NLGN1: variants seen among roughly 807,000 people sequenced by gnomAD.
NLGN1 encodes the protein neuroligin-1.
Under a neutral mutation model 65.5 loss-of-function variants are expected in NLGN1, and 12 were observed. The observed-to-expected ratio is 0.18, with a 90% confidence interval of 0.12 to 0.30. The LOEUF is 0.30. Among genes scored for constraint, NLGN1 ranks in the 10% least tolerant of loss-of-function variants. NLGN1 has a pLI of 1.00. For synonymous variants in NLGN1, 350 were observed against 359.5 expected (o/e 0.97, Z 0.30); for missense variants, 750 against 1,007.1 (o/e 0.74, Z 3.46).
intron 2 of NLGN1, among the ~76,000 whole-genome samples, chr3:173,444,420 G>A (rs1719789293): frequency 6.6e-6 from 1 of 152,094 alleles, no homozygotes; most frequent in Non-Finnish European, 1.5e-5. Context: ...ATTTCATGCA[G>A]GTCTGGTATA....
At chr3:173,435,189 A>C (rs1033977546) in intron 2 of NLGN1, 2 of 152,596 alleles carry the variant, frequency 1.3e-5, no homozygotes, top group African/African-American at 4.8e-5. Context: ...CACCATAGTC[A>C]TGACTTACCT....
chr3:173,764,459 T>C (rs1187861477), intron 3 of NLGN1, among the ~76,000 whole-genome samples: 1 of 152,144 alleles, frequency 6.6e-6, no homozygotes, highest in Admixed American at 6.6e-5. Context: ...AAGAACAGAA[T>C]GGTTGCCTTC....
Position 173,956,062 on chromosome 3 carries a change from C to T in NLGN1, c.646+148230C>T, listed in dbSNP as rs144396636. Reference sequence around the variant, plus strand: ...TACAAAACTTTATACAATAAGCTTTCGTAGAGCTTATATAGATCTTCAATT... The same window carrying T: ...TACAAAACTTTATACAATAAGCTTTTGTAGAGCTTATATAGATCTTCAATT... On this transcript the variant is annotated intron_variant, in intron 4 of 6. Coordinates refer to ENST00000457714, the Ensembl canonical transcript of NLGN1. 9.7e-4 allele frequency among the ~76,000 whole-genome samples: 147 copies of T among 152,096 alleles called. 1 individual carries two copies. The East Asian group carries it at 0.026, about 27-fold the overall frequency.
At chr3:173,589,674 G>A (rs1028654103) in intron 2 of NLGN1, among the ~76,000 whole-genome samples, 3 of 152,076 alleles carry the variant, frequency 2.0e-5, no homozygotes, top group Admixed American at 1.3e-4. Context: ...TGATATGAAG[G>A]TCTTATTGTA....
chr3:174,244,402 T>C (rs1332862744), intron 4 of NLGN1, among the ~76,000 whole-genome samples: 1 of 152,210 alleles, frequency 6.6e-6, no homozygotes, highest in East Asian at 1.9e-4. Context: ...ATTAAGAATC[T>C]TTCCTCTCTT....
chr3:173,706,703 G>A (rs1380717818), intron 3 of NLGN1, among the ~76,000 whole-genome samples: 1 of 152,160 alleles, frequency 6.6e-6, no homozygotes, highest in Non-Finnish European at 1.5e-5. Flanking sequence ...TTTACGTACA[G>A]ATATCGATCT....
chr3:173,586,555 A>G (rs2149382402), intron 2 of NLGN1, among the ~76,000 whole-genome samples: 1 of 152,344 alleles, frequency 6.6e-6, no homozygotes, highest in Non-Finnish European at 1.5e-5. Context: ...AAATAGCAAA[A>G]TATAAAACTT....
intron 4 of NLGN1, among the ~76,000 whole-genome samples, chr3:174,176,988 C>T (rs1044076677): frequency 3.8e-4 from 57 of 151,878 alleles, no homozygotes; most frequent in Admixed American, 1.3e-3. Flanking sequence ...CCTGGTTCAG[C>T]GTAGCATAGG....
At chr3:173,511,288 A>G (rs1732923552) in intron 2 of NLGN1, among the ~76,000 whole-genome samples, 1 of 152,114 alleles carries the variant, frequency 6.6e-6, no homozygotes, top group Non-Finnish European at 1.5e-5. Context: ...GGAGAAAGTA[A>G]AAAAGGTTCC....
At chr3:173,465,321 T>G (rs984627847) in intron 2 of NLGN1, among the ~76,000 whole-genome samples, 3 of 152,124 alleles carry the variant, frequency 2.0e-5, no homozygotes, top group Admixed American at 2.0e-4. Flanking sequence ...TGAGAACTTC[T>G]TGGAGGAAGG....
rs543491104 is a variant in NLGN1, at chr3:173,587,800, C to G, written c.-320-16479C>G. Among the ~76,000 whole-genome samples the G allele has an allele frequency of 5.3e-5, 8 of 150,676 alleles. No homozygotes were observed. The South Asian group carries it at 1.7e-3, about 31-fold the overall frequency. On this transcript the variant is annotated intron_variant, in intron 2 of 6. Transcript: ENST00000457714. ...TATGTAAAAACTGATGTTGCATTCACTGGAGTTTTGCTTGACAGCTGCACC... is the reference window on the plus strand; with the variant it reads ...TATGTAAAAACTGATGTTGCATTCAGTGGAGTTTTGCTTGACAGCTGCACC...
At chr3:174,177,363 A>G (rs900740875) in intron 4 of NLGN1, among the ~76,000 whole-genome samples, 4 of 152,060 alleles carry the variant, frequency 2.6e-5, no homozygotes, top group Non-Finnish European at 5.9e-5. Context: ...GAAAATCACT[A>G]GAGATCAAAA....
At chr3:173,621,623 A>T (rs1209566288) in intron 3 of NLGN1, among the ~76,000 whole-genome samples, 2 of 152,090 alleles carry the variant, frequency 1.3e-5, no homozygotes, top group East Asian at 3.9e-4. Context: ...GGGTAATAGC[A>T]CTGTAGTTTA....
chr3:173,536,203 G>GCTA (rs1429709339), intron 2 of NLGN1, among the ~76,000 whole-genome samples: 1 of 152,154 alleles, frequency 6.6e-6, no homozygotes, highest in African/African-American at 2.4e-5. Context: ...TGTCTCACCA[G>GCTA]CTACTGAGTT....
intron 4 of NLGN1, among the ~76,000 whole-genome samples, chr3:174,252,970 A>G (rs1465291269): frequency 6.6e-6 from 1 of 152,108 alleles, no homozygotes; most frequent in African/African-American, 2.4e-5. Flanking sequence ...GATTTAATGA[A>G]CTATTTTTCA....
intron 3 of NLGN1, among the ~76,000 whole-genome samples, chr3:173,696,033 A>G (rs74796547): frequency 0.028 from 4,316 of 152,164 alleles, 89 homozygotes; most frequent in Middle Eastern, 0.048. Flanking sequence ...GCTTGTCTTT[A>G]ACTCCTGAGC....
At chr3:173,498,025 G>T (rs1167205532) in intron 2 of NLGN1, among the ~76,000 whole-genome samples, 1 of 151,622 alleles carries the variant, frequency 6.6e-6, no homozygotes, top group Non-Finnish European at 1.5e-5. Context: ...GATGGTAAAT[G>T]TCAGTTTCTC....
At chr3:173,699,145 C>G (rs372456744) in intron 3 of NLGN1, among the ~76,000 whole-genome samples, 1 of 152,112 alleles carries the variant, frequency 6.6e-6, no homozygotes, top group Admixed American at 6.5e-5. Flanking sequence ...CGTGAGCCAC[C>G]GCACCTGGCT....
At chr3:173,658,029 A>C (rs772072234) in intron 3 of NLGN1, among the ~76,000 whole-genome samples, 1 of 151,968 alleles carries the variant, frequency 6.6e-6, no homozygotes, top group Non-Finnish European at 1.5e-5. Flanking sequence ...TAGGAACCCT[A>C]TCAATAAAAC....
Sources: allele counts gnomAD v4.1 joint callset (sites outside exome capture counted in the v4.1 genomes callset), GRCh38; gene constraint gnomAD v4.1.1; transcripts MANE v1.5; gene names NCBI Gene and HGNC (gene_info 2026-07-23, HGNC 2026-07-21).